EBF3: variants seen among roughly 807,000 people sequenced by gnomAD.
EBF3 encodes the protein transcription factor COE3.
EBF3 carries 18 observed loss-of-function variants against 77.1 expected under a neutral mutation model. The ratio of observed to expected loss-of-function variants is 0.23; its 90% CI spans 0.16 to 0.35. EBF3 has a LOEUF of 0.35. Among genes scored for constraint, EBF3 ranks in the 10% least tolerant of loss-of-function variants. The pLI is 1.00. For synonymous variants in EBF3, 350 were observed against 343.5 expected (o/e 1.02, Z -0.21); for missense variants, 558 against 860.0 (o/e 0.65, Z 4.39).
rs1193585415 is a variant in EBF3, at chr10:129,947,918, A to G, written c.554+9340T>C. 1.3e-5 allele frequency among the ~76,000 whole-genome samples: 2 copies of G among 152,176 alleles called. No homozygotes were observed. The highest frequency in any genetic ancestry group is 2.9e-5 in the Non-Finnish European group (2 of 68,034). On this transcript the variant is annotated intron_variant, in intron 6 of 16. Transcript: ENST00000440978. The surrounding 1 kb of genome is among the most constrained non-coding windows in gnomAD (Gnocchi z 4.5). The stretch of plus-strand genomic sequence containing the variant: ...AGTATTATCGGTGAGCTAAAAAGTC[A>G]CAAGAAGACATGCAGGAAACTTAAA...
rs1851621216 is a variant in EBF3 at position 129,861,334 on chromosome 10, A to G, written c.1039+5807T>C. On this transcript the variant is annotated intron_variant, in intron 10 of 16. Transcript: ENST00000440978. This position sits in a 1 kb window ranked among gnomAD's most constrained non-coding sequence, Gnocchi z 4.3. ...ACGCCACCCCACTTGGTACGAAAAA[A>G]AAAGTCACCCTTTGCCATCCATATT... Among the ~76,000 whole-genome samples, 1 of 152,204 alleles carries G rather than the reference A, an allele frequency of 6.6e-6. No individual in the cohort carries two copies. The highest frequency in any genetic ancestry group is 1.5e-5 in the Non-Finnish European group (1 of 68,030).
chr10:129,867,947 G>T (rs1852140662), intron 8 of EBF3, 35 bp from the exon 9 acceptor site: 1 of 1,605,770 alleles, frequency 6.2e-7, no homozygotes, highest in Non-Finnish European at 8.5e-7. Context: ...AGACCTTAGA[G>T]CCCCGTCCTC....
intron 6 of EBF3, among the ~76,000 whole-genome samples, chr10:129,918,573 C>T (rs909576125): frequency 1.2e-4 from 19 of 152,318 alleles, no homozygotes; most frequent in Non-Finnish European, 2.5e-4. Flanking sequence ...CACCAACCTG[C>T]GGTTTAGGCC....
At chr10:129,896,602 C>A (rs762431051) in intron 6 of EBF3, among the ~76,000 whole-genome samples, 1 of 152,208 alleles carries the variant, frequency 6.6e-6, no homozygotes, top group South Asian at 2.1e-4. Context: ...CGTGCTGGGG[C>A]GCGGCCTCCT....
intron 6 of EBF3, among the ~76,000 whole-genome samples, chr10:129,945,475 A>G (rs770956576): frequency 6.6e-6 from 1 of 152,212 alleles, no homozygotes; most frequent in African/African-American, 2.4e-5. Flanking sequence ...GATTCCGTAC[A>G]GTCCTCCGGC....
rs753124593 is a variant in EBF3, at chr10:129,897,162, T to G, written c.555-19313A>C. On this transcript the variant is annotated intron_variant, in intron 6 of 16. Coordinates refer to ENST00000440978, the MANE Select transcript of EBF3 (RefSeq NM_001375380.1). This position sits in a 1 kb window ranked among gnomAD's most constrained non-coding sequence, Gnocchi z 4.6. Reference sequence around the variant, plus strand: ...CCTTTCGGGGTCCTGGGATGAGCACTGTGGTCACAGACACACTCGCGGTGT... The same window carrying G: ...CCTTTCGGGGTCCTGGGATGAGCACGGTGGTCACAGACACACTCGCGGTGT... Among the ~76,000 whole-genome samples, 1 of 152,200 alleles carries G rather than the reference T, an allele frequency of 6.6e-6. No individual in the cohort carries two copies. The highest frequency in any genetic ancestry group is 1.5e-5 in the Non-Finnish European group (1 of 68,036).
chr10:129,877,986 T>A, intron 6 of EBF3, 137 bp from the exon 7 acceptor site: 1 of 666,210 alleles, frequency 1.5e-6, no homozygotes, highest in Non-Finnish European at 2.5e-6. Context: ...GGGGCGACAT[T>A]GAGAAGAGGC....
At chr10:129,950,973 G>A (rs1169068014) in intron 6 of EBF3, among the ~76,000 whole-genome samples, 6 of 152,134 alleles carry the variant, frequency 3.9e-5, no homozygotes, top group Middle Eastern at 3.2e-3. Flanking sequence ...TTAGAGCTTG[G>A]AATTTTTATC....
chr10:129,940,856 C>T lies in EBF3; in HGVS notation c.554+16402G>A, dbSNP rs901448592. On this transcript the variant is annotated intron_variant, in intron 6 of 16. Coordinates refer to ENST00000440978, the MANE Select transcript of EBF3 (RefSeq NM_001375380.1). ...CCCGGAAACCTGTCACCAGGGCTGC[C>T]ATAAACATCCCACACTCGATCCTCC... Among the ~76,000 whole-genome samples the T allele has an allele frequency of 5.3e-5, 8 of 152,154 alleles. No individual in the cohort carries two copies. In the South Asian group the frequency reaches 1.0e-3, roughly 20 times the overall value.
chr10:129,893,393 TC>T (rs1413065135), intron 6 of EBF3, among the ~76,000 whole-genome samples: 4 of 152,226 alleles, frequency 2.6e-5, no homozygotes, highest in African/African-American at 9.6e-5. Flanking sequence ...TACAACTCCC[TC>T]CATTTAATAT....
intron 6 of EBF3, among the ~76,000 whole-genome samples, chr10:129,931,133 G>T (rs900947534): frequency 2.6e-5 from 4 of 151,944 alleles, no homozygotes; most frequent in African/African-American, 9.7e-5. Flanking sequence ...ATCTGTATCT[G>T]TCTATATCTA....
intron 4 of EBF3, 89 bp from the exon 5 acceptor site, chr10:129,959,096 G>C: frequency 6.6e-7 from 1 of 1,509,148 alleles, no homozygotes; most frequent in Middle Eastern, 1.9e-4. Context: ...CTGGCTGGCA[G>C]CAGGTGCACC....
chr10:129,875,708 G>A (rs546088700), intron 7 of EBF3, among the ~76,000 whole-genome samples: 1 of 152,180 alleles, frequency 6.6e-6, no homozygotes, highest in Admixed American at 6.5e-5. Context: ...TCCAGCCTTG[G>A]GTATCTCAGC....
At chr10:129,886,767 A>C (rs1179421163) in intron 6 of EBF3, among the ~76,000 whole-genome samples, 1 of 151,788 alleles carries the variant, frequency 6.6e-6, no homozygotes, top group Non-Finnish European at 1.5e-5. Context: ...TCTGCAGGGG[A>C]GTTAGCTCCA....
In EBF3 at chr10:129,952,017, G is replaced by A. The variant is rs1038546949; in HGVS notation, c.554+5241C>T. On this transcript the variant is annotated intron_variant, in intron 6 of 16. Coordinates refer to ENST00000440978, the MANE Select transcript of EBF3 (RefSeq NM_001375380.1). The surrounding 1 kb of genome is among the most constrained non-coding windows in gnomAD (Gnocchi z 4.7). Reference sequence around the variant, plus strand: ...GAGCCCGGCGAAGCCAAATGGGGCCGGTGCCAGCCAGAATCAGATTCTTTG... The same window carrying A: ...GAGCCCGGCGAAGCCAAATGGGGCCAGTGCCAGCCAGAATCAGATTCTTTG... Among the ~76,000 whole-genome samples, 8 of 152,218 alleles carry A rather than the reference G, an allele frequency of 5.3e-5. No homozygotes were observed. Among genetic ancestry groups the A allele is most frequent in the Non-Finnish European group, 8.8e-5 (6 of 68,036 alleles).
chr10:129,914,602 G>C (rs1459877780), intron 6 of EBF3, among the ~76,000 whole-genome samples: 1 of 152,102 alleles, frequency 6.6e-6, no homozygotes, highest in East Asian at 1.9e-4. Flanking sequence ...AAAGGAGAAG[G>C]CTACCCCTTC....
At position 129,943,714 on chromosome 10, in the gene EBF3, C is replaced by G. The variant is rs879541817; in HGVS notation, c.554+13544G>C. Among the ~76,000 whole-genome samples the G allele has an allele frequency of 5.3e-5, 8 of 152,064 alleles. No homozygotes were observed. Among genetic ancestry groups the G allele is most frequent in the Admixed American group, 6.5e-5 (1 of 15,270 alleles). ...CCTCTGCTATGAATTAAAAGAATTG[C>G]TAGGAATTCTTTTCACAGGCTGCAT... is the stretch of plus-strand genomic sequence containing the variant. On this transcript the variant is annotated intron_variant, in intron 6 of 16. Coordinates refer to ENST00000440978, the MANE Select transcript of EBF3 (RefSeq NM_001375380.1). This position sits in a 1 kb window ranked among gnomAD's most constrained non-coding sequence, Gnocchi z 8.8.
chr10:129,884,188 C>T (rs571391391), intron 6 of EBF3, among the ~76,000 whole-genome samples: 8 of 152,288 alleles, frequency 5.3e-5, no homozygotes, highest in South Asian at 2.1e-4. Flanking sequence ...TGTGCACACC[C>T]GGCCATCAGT....
chr10:129,853,874 A>G (rs1851064817), intron 10 of EBF3, among the ~76,000 whole-genome samples: 1 of 152,244 alleles, frequency 6.6e-6, no homozygotes, highest in Non-Finnish European at 1.5e-5. Flanking sequence ...AGGTTATTAA[A>G]TGTCCCACTG....
Sources: allele counts gnomAD v4.1 joint callset (sites outside exome capture counted in the v4.1 genomes callset), GRCh38; gene constraint gnomAD v4.1.1; non-coding constraint Gnocchi (gnomAD v3.1); transcripts MANE v1.5; gene names NCBI Gene and HGNC (gene_info 2026-07-23, HGNC 2026-07-21).